FAM217B: variants seen among roughly 807,000 people sequenced by gnomAD.
FAM217B encodes protein FAM217B.
For synonymous variants in FAM217B, 163 were observed against 173.0 expected, an observed-to-expected ratio of 0.94 and a Z score of 0.45; for missense variants, 463 against 456.9, an observed-to-expected ratio of 1.01 and a Z score of -0.12.
At chr20:59,939,962 G>A, upstream of FAM217B, 5 of 1,259,236 alleles carry the variant, frequency 4.0e-6, no homozygotes, top group Non-Finnish European at 4.0e-6. Context: ...GATGAGGCAG[G>A]GATGAGAGAC....
chr20:59,944,441 C>T lies in FAM217B; in HGVS notation c.498C>T (p.Asn166=), dbSNP rs768689291. Residue 166 remains asparagine (N), a synonymous_variant, in exon 4 of 4, where the codon AAC becomes AAT. Transcript: ENST00000360816. ...TGGCCCTGCTTCTGAACGCAGAGAA[C>T]AAAACGGAAGCCGTGCCCCGAGTGG... ...RDMALLLNAE[N]KTEAVPRVGG... is the part of the protein sequence containing the mutation. 5 of 1,613,864 alleles carry T rather than the reference C, an allele frequency of 3.1e-6. No individual in the cohort carries two copies. In the South Asian group the frequency reaches 5.5e-5, roughly 18 times the overall value.
At chr20:59,940,927 G>A (rs1050585063) in intron 1 of FAM217B, among the ~76,000 whole-genome samples, 5 of 152,324 alleles carry the variant, frequency 3.3e-5, no homozygotes, top group South Asian at 4.1e-4. Flanking sequence ...GAAGACAGGG[G>A]AACAAGAGTT....
upstream of FAM217B, chr20:59,939,584 G>A: frequency 1.2e-6 from 2 of 1,608,158 alleles, no homozygotes; most frequent in Non-Finnish European, 1.7e-6. Context: ...TGAACACCTT[G>A]ACCTGTGCCA....
rs147443862 is a variant in FAM217B at position 59,945,421 on chromosome 20, T to C, written c.*326T>C. The C allele has an allele frequency of 7.6e-3, 1,872 of 244,744 alleles. 11 individuals carry two copies. Among genetic ancestry groups the C allele is most frequent in the Non-Finnish European group, 9.7e-3 (1,132 of 116,220 alleles). 15.2% of individuals were successfully genotyped at this position (244,744 alleles called of 1,614,324 possible). On this transcript the variant is annotated 3_prime_UTR_variant, in exon 4 of 4. Transcript: ENST00000360816. ...GAAACCTCAGCTACAGTAGCCGGTC[T>C]GTGTAGAGCAGCTAGTGGTGTTACC...
rs991031194 is a variant in FAM217B at position 59,947,504 on chromosome 20, CAAAAAA to C, written c.*2414_*2419del. On this transcript the variant is annotated 3_prime_UTR_variant, in exon 4 of 4. Transcript: ENST00000360816. ...GGGCAACAAGAGGGAAACTCCGTTT[CAAAAAA>C]AAAAGAAAAAGAAAGAAATTGAGAA... The C allele has an allele frequency of 2.0e-5, 3 of 153,264 alleles. No homozygotes were observed. The highest frequency in any genetic ancestry group is 2.0e-4 in the East Asian group (1 of 4,922). The allele number at this position is 153,264 out of a possible 1,614,324, so 9.5% of individuals were successfully genotyped here.
chr20:59,939,373 G>T (rs1199930154), upstream of FAM217B: 1 of 1,610,590 alleles, frequency 6.2e-7, no homozygotes, highest in Non-Finnish European at 8.5e-7. Flanking sequence ...CTGATGCCAA[G>T]GTCCGAGCAA....
upstream of FAM217B, chr20:59,939,548 C>T: frequency 6.2e-7 from 1 of 1,611,714 alleles, no homozygotes; most frequent in Non-Finnish European, 8.5e-7. Context: ...GCACGTGCAG[C>T]GGCACGGACG....
chr20:59,939,068 G>A (rs2060879523), upstream of FAM217B: 3 of 1,568,782 alleles, frequency 1.9e-6, no homozygotes, highest in Non-Finnish European at 2.6e-6. Flanking sequence ...CGCACTCCCC[G>A]CGAGGCATGT....
At chr20:59,935,265 T>G (rs2060853538) in intron 1 of FAM217B, among the ~76,000 whole-genome samples, 1 of 152,218 alleles carries the variant, frequency 6.6e-6, no homozygotes. Flanking sequence ...CAAAAATTAA[T>G]AGTGATGATT....
At chr20:59,939,198 A>C, upstream of FAM217B, 1 of 1,608,998 alleles carries the variant, frequency 6.2e-7, no homozygotes, top group Non-Finnish European at 8.5e-7. Flanking sequence ...CTCCAGCAGG[A>C]AGGGCGGTAC....
chr20:59,938,391 G>A (rs567075679), upstream of FAM217B: 6 of 152,364 alleles, frequency 3.9e-5, no homozygotes, highest in South Asian at 1.2e-3. Context: ...ATGGTTGTGT[G>A]ATGACTGATA....
At chr20:59,938,762 C>A, upstream of FAM217B, 1 of 321,946 alleles carries the variant, frequency 3.1e-6, no homozygotes, top group Non-Finnish European at 5.6e-6. Context: ...AGAGGGCCCA[C>A]CCTCCCATGC....
chr20:59,946,436 G>A lies in FAM217B; in HGVS notation c.*1341G>A, dbSNP rs2060937612. ...ATTTTTCATTTGGGAACATATAATA[G>A]CTTGTAAACTTTTCAGACAGCAGTA... On this transcript the variant is annotated 3_prime_UTR_variant, in exon 4 of 4. Coordinates refer to ENST00000360816, the MANE Select transcript of FAM217B (RefSeq NM_022106.3). 6.0e-6 allele frequency: 1 copy of A among 166,794 alleles called. No individual in the cohort carries two copies. The highest frequency in any genetic ancestry group is 1.5e-5 in the Non-Finnish European group (1 of 68,092). The allele number at this position is 166,794 out of a possible 1,614,324, so 10.3% of individuals were successfully genotyped here. A position where few individuals can be genotyped will look rare whatever the true frequency, so the allele number is the denominator to read the frequency against.
chr20:59,936,894 AAT>A (rs1325090722), upstream of FAM217B: 2 of 152,500 alleles, frequency 1.3e-5, no homozygotes, highest in Non-Finnish European at 2.9e-5. Context: ...AACATATTAA[AAT>A]ATGTTTGGGG....
upstream of FAM217B, chr20:59,937,992 C>T (rs942552636): frequency 5.3e-5 from 8 of 152,212 alleles, no homozygotes; most frequent in African/African-American, 1.2e-4. Flanking sequence ...TCCTCCAGTG[C>T]TCTGGCTATT....
chr20:59,940,891 G>T (rs549172238), intron 1 of FAM217B, among the ~76,000 whole-genome samples: 2 of 152,302 alleles, frequency 1.3e-5, no homozygotes, highest in East Asian at 3.9e-4. Flanking sequence ...TGCTGCTGTT[G>T]TCTTCCTGGA....
upstream of FAM217B, chr20:59,939,915 C>G (rs1239182657): frequency 1.6e-6 from 2 of 1,257,152 alleles, no homozygotes; most frequent in Non-Finnish European, 2.0e-6. Flanking sequence ...GACCGCGGAG[C>G]TCGGGCCTCT....
intron 1 of FAM217B, 122 bp downstream of exon 1, chr20:59,940,657 TG>T (rs1601043744): frequency 6.6e-6 from 1 of 152,462 alleles, no homozygotes; most frequent in Non-Finnish European, 1.5e-5. Context: ...GGGTTGTGGA[TG>T]GGGGGAGCGG....
chr20:59,934,981 T>A (rs1230764969), intron 1 of FAM217B, among the ~76,000 whole-genome samples: 1 of 152,218 alleles, frequency 6.6e-6, no homozygotes, highest in Non-Finnish European at 1.5e-5. Flanking sequence ...CTTAGTTTTT[T>A]AATTCAGAGC....
Sources: allele counts gnomAD v4.1 joint callset (sites outside exome capture counted in the v4.1 genomes callset), GRCh38; gene constraint gnomAD v4.1.1; transcripts MANE v1.5; gene names NCBI Gene and HGNC (gene_info 2026-07-23, HGNC 2026-07-21).